STK3: variants seen among roughly 807,000 people sequenced by gnomAD.
STK3 encodes serine/threonine kinase 3.
STK3 carries 41 observed loss-of-function variants against 58.0 expected under a neutral mutation model. The observed-to-expected ratio is 0.71, with a 90% CI of 0.55 to 0.92. The LOEUF (loss-of-function observed/expected upper bound fraction) is 0.92. Ranked by LOEUF, STK3 falls within the 40% of genes least tolerant of loss-of-function variation. The probability of loss-of-function intolerance (pLI) is 0.00; values close to 1 mark genes in which losing one functional copy is unlikely to be tolerated. For missense variants in STK3, 479 were observed against 602.7 expected (o/e 0.79, Z 2.15); for synonymous variants, 170 against 191.0 (o/e 0.89, Z 0.91).
chr8:98,551,787 G>C (rs1469193469), intron 8 of STK3, among the ~76,000 whole-genome samples: 1 of 152,020 alleles, frequency 6.6e-6, no homozygotes, highest in Admixed American at 6.6e-5. Context: ...TACTCGCACT[G>C]CCCTATTCTA....
chr8:98,372,132 C>T (rs1231869289), intron 2 of STK3, among the ~76,000 whole-genome samples: 1 of 152,094 alleles, frequency 6.6e-6, no homozygotes, highest in Non-Finnish European at 1.5e-5. Context: ...TGAAGGATTG[C>T]CAGCTGCCAT....
At chr8:98,614,126 TAAAAC>T (rs968778767) in intron 6 of STK3, among the ~76,000 whole-genome samples, 5 of 151,880 alleles carry the variant, frequency 3.3e-5, no homozygotes, top group African/African-American at 1.2e-4. Context: ...CAACAAGAGA[TAAAAC>T]AAATAGACAG....
Position 98,653,563 on chromosome 8 carries a change from C to T in STK3, c.684+52904G>A, listed in dbSNP as rs576150157. ...TCAGGAGCTGGTTTTTTGAAAGGAT[C>T]AACAAAATTGATAGACCACTAGCAA... On this transcript the variant is annotated intron_variant, in intron 6 of 10. Transcript: ENST00000419617. Among the ~76,000 whole-genome samples, 4 of 151,888 alleles carry T rather than the reference C, an allele frequency of 2.6e-5. No individual in the cohort carries two copies. In the South Asian group the frequency reaches 8.3e-4, roughly 32 times the overall value.
intron 9 of STK3, among the ~76,000 whole-genome samples, chr8:98,530,866 C>T (rs565095522): frequency 2.6e-5 from 4 of 152,206 alleles, no homozygotes; most frequent in Admixed American, 6.5e-5. Context: ...TAGATTCCAT[C>T]GCAAGAAACC....
intron 6 of STK3, among the ~76,000 whole-genome samples, chr8:98,665,204 A>C (rs773584937): frequency 1.1e-4 from 17 of 152,224 alleles, no homozygotes; most frequent in Non-Finnish European, 2.1e-4. Flanking sequence ...TTTACAGATG[A>C]TTACGTTACG....
chr8:98,409,102 T>C (rs910308281), intron 3 of STK3, among the ~76,000 whole-genome samples: 1 of 152,202 alleles, frequency 6.6e-6, no homozygotes. Context: ...CTCAGCCCCA[T>C]GCCCCAGTCC....
chr8:98,550,505 C>T (rs949814946), intron 8 of STK3, among the ~76,000 whole-genome samples: 8 of 152,180 alleles, frequency 5.3e-5, no homozygotes, highest in Admixed American at 2.6e-4. Flanking sequence ...TGGTAATCTT[C>T]ACTTGCTACA....
intron 6 of STK3, among the ~76,000 whole-genome samples, chr8:98,611,231 A>C (rs1345876482): frequency 6.6e-6 from 1 of 152,216 alleles, no homozygotes; most frequent in African/African-American, 2.4e-5. Flanking sequence ...CAATTTCACA[A>C]AAATCTATAA....
intron 10 of STK3, among the ~76,000 whole-genome samples, chr8:98,480,684 A>G (rs1384970124): frequency 6.6e-6 from 1 of 152,180 alleles, no homozygotes; most frequent in Non-Finnish European, 1.5e-5. Flanking sequence ...ATATATCACA[A>G]TTACTACAGA....
At chr8:98,520,386 T>C (rs1379107326) in intron 10 of STK3, among the ~76,000 whole-genome samples, 1 of 152,104 alleles carries the variant, frequency 6.6e-6, no homozygotes, top group Non-Finnish European at 1.5e-5. Context: ...AGACAAATGC[T>C]AACGATTTAA....
chr8:98,720,787 G>C (rs527288749), intron 4 of STK3, among the ~76,000 whole-genome samples: 21 of 149,986 alleles, frequency 1.4e-4, no homozygotes, highest in Admixed American at 9.3e-4. Context: ...TGGGGGTTTT[G>C]AGACTTGTTC....
At position 98,480,406 on chromosome 8, in the gene STK3, A is replaced by G. The variant is rs544839460; in HGVS notation, c.1318-24406T>C. ...AATATTTTAAACTTTCTGAGATAGGAGAAGCACACTTCACTTTAAATATAA... is the reference window on the plus strand; with the variant it reads ...AATATTTTAAACTTTCTGAGATAGGGGAAGCACACTTCACTTTAAATATAA... On this transcript the variant is annotated intron_variant, in intron 10 of 10. Coordinates refer to ENST00000419617, the MANE Select transcript of STK3 (RefSeq NM_006281.4). Among the ~76,000 whole-genome samples the G allele has an allele frequency of 9.4e-4, 143 of 152,334 alleles. 1 individual carries two copies. Among genetic ancestry groups the G allele is most frequent in the African/African-American group, 3.2e-3 (131 of 41,572 alleles).
chr8:98,896,055 G>A (rs1453065975), intron 1 of STK3, among the ~76,000 whole-genome samples: 1 of 152,012 alleles, frequency 6.6e-6, no homozygotes, highest in Non-Finnish European at 1.5e-5. Context: ...TATATTCTTG[G>A]ATGGGGACTA....
chr8:98,504,082 G>A (rs1261887535), intron 10 of STK3, among the ~76,000 whole-genome samples: 1 of 152,094 alleles, frequency 6.6e-6, no homozygotes, highest in Non-Finnish European at 1.5e-5. Context: ...GCATTGGGTG[G>A]TACATACATA....
intron 1 of STK3, among the ~76,000 whole-genome samples, chr8:98,917,019 T>A (rs565092727): frequency 6.6e-6 from 1 of 152,178 alleles, no homozygotes; most frequent in Admixed American, 6.5e-5. Flanking sequence ...TTCATGCAGG[T>A]TCTGAGTTGG....
At chr8:98,751,674 T>G (rs1221856246) in intron 3 of STK3, among the ~76,000 whole-genome samples, 1 of 152,190 alleles carries the variant, frequency 6.6e-6, no homozygotes, top group Non-Finnish European at 1.5e-5. Flanking sequence ...AAAATGAGGC[T>G]GGGCACTGTG....
intron 4 of STK3, among the ~76,000 whole-genome samples, chr8:98,719,479 G>C (rs965239111): frequency 6.6e-6 from 1 of 152,092 alleles, no homozygotes; most frequent in Admixed American, 6.6e-5. Flanking sequence ...AGGGTCTTAG[G>C]ATCTGTCTGA....
At chr8:98,637,173 A>T (rs768010364) in intron 6 of STK3, among the ~76,000 whole-genome samples, 45 of 152,202 alleles carry the variant, frequency 3.0e-4, no homozygotes, top group Middle Eastern at 3.4e-3. Context: ...TCTTACAAAG[A>T]GACATGAAAG....
At chr8:98,568,722 G>GA (rs781699855) in intron 8 of STK3, among the ~76,000 whole-genome samples, 1 of 151,950 alleles carries the variant, frequency 6.6e-6, no homozygotes, top group Non-Finnish European at 1.5e-5. Context: ...TATCTGATAT[G>GA]AAAAAATAGC....
Sources: allele counts gnomAD v4.1 joint callset (sites outside exome capture counted in the v4.1 genomes callset), GRCh38; gene constraint gnomAD v4.1.1; transcripts MANE v1.5; gene names NCBI Gene and HGNC (gene_info 2026-07-23, HGNC 2026-07-21).